Variants in PPIP5K2 observed in about 807,000 individuals in gnomAD.
PPIP5K2 encodes the protein inositol hexakisphosphate and diphosphoinositol-pentakisphosphate kinase 2.
A neutral mutation model predicts 154.6 loss-of-function variants in PPIP5K2; 105 were observed. The observed-to-expected ratio is 0.68, with a 90% CI of 0.58 to 0.80. The LOEUF (loss-of-function observed/expected upper bound fraction) is 0.80. Among genes scored for constraint, PPIP5K2 ranks in the 30% least tolerant of loss-of-function variants. The pLI is 0.00. For synonymous variants in PPIP5K2, 480 were observed against 490.3 expected (o/e 0.98, Z 0.28); for missense variants, 992 against 1,504.6 (o/e 0.66, Z 5.64).
chr5:103,128,154 ATTAGAT>A (rs541595133), intron 1 of PPIP5K2, among the ~76,000 whole-genome samples: 11 of 152,282 alleles, frequency 7.2e-5, no homozygotes, highest in African/African-American at 2.6e-4. Context: ...TTATACTGGA[ATTAGAT>A]CTTTAGGAAT....
At chr5:103,160,344 C>T (rs548150567) in intron 17 of PPIP5K2, among the ~76,000 whole-genome samples, 53 of 152,198 alleles carry the variant, frequency 3.5e-4, no homozygotes, top group Middle Eastern at 6.8e-3. Context: ...AATGTTCATA[C>T]TGTTTTCTAT....
At chr5:103,153,703 T>G in intron 10 of PPIP5K2, 145 bp from the exon 11 acceptor site, 1 of 477,140 alleles carries the variant, frequency 2.1e-6, no homozygotes, top group Non-Finnish European at 3.7e-6. Context: ...AAAACTAGAT[T>G]GTTATAAGTA....
chr5:103,133,212 CA>C (rs1554203164), intron 2 of PPIP5K2, among the ~76,000 whole-genome samples: 4 of 152,140 alleles, frequency 2.6e-5, no homozygotes. Context: ...TTGAAAATAG[CA>C]ACCATATTTA....
rs1159676905 is a variant in PPIP5K2, at chr5:103,203,526, A to G, written c.*1892A>G. ...TAAAAAGTCTACTGTATCAGAGCAA[A>G]ATGTTATAGTTATCACTGTTTAGTG... On this transcript the variant is annotated 3_prime_UTR_variant, in exon 31 of 31. Coordinates refer to ENST00000358359, the MANE Select transcript of PPIP5K2 (RefSeq NM_001276277.3). The G allele has an allele frequency of 2.0e-5, 3 of 152,140 alleles. No homozygotes were observed. Among genetic ancestry groups the G allele is most frequent in the African/African-American group, 7.2e-5 (3 of 41,428 alleles). The allele number at this position is 152,140 out of a possible 1,614,324, so 9.4% of individuals were successfully genotyped here. A position where few individuals can be genotyped will look rare whatever the true frequency, so the allele number is the denominator to read the frequency against.
chr5:103,172,268 A>T (rs535421703), intron 19 of PPIP5K2, among the ~76,000 whole-genome samples: 7 of 151,694 alleles, frequency 4.6e-5, no homozygotes, highest in African/African-American at 1.4e-4. Flanking sequence ...AAGGTAAATG[A>T]CCACAGGAAG....
chr5:103,141,274 T>G (rs1176042229), intron 5 of PPIP5K2, among the ~76,000 whole-genome samples: 1 of 151,850 alleles, frequency 6.6e-6, no homozygotes, highest in Non-Finnish European at 1.5e-5. Context: ...GTCTGTCCCT[T>G]CCGATGTTCA....
Position 103,210,516 on chromosome 5 carries a change from TCTCAGCTC to T in PPIP5K2, c.*8883_*8890del, listed in dbSNP as rs1803748181. On this transcript the variant is annotated 3_prime_UTR_variant, in exon 31 of 31. Coordinates refer to ENST00000358359, the MANE Select transcript of PPIP5K2 (RefSeq NM_001276277.3). ...GGGAGAAAGGAGACCTGGGTATTAA[TCTCAGCTC>T]TACCACTACATGGTAGAGCTATGTA... 6.6e-6 allele frequency: 1 copy of T among 152,090 alleles called. No homozygotes were observed. The highest frequency in any genetic ancestry group is 1.5e-5 in the Non-Finnish European group (1 of 68,002). The allele number at this position is 152,090 out of a possible 1,614,324, so 9.4% of individuals were successfully genotyped here. A position where few individuals can be genotyped will look rare whatever the true frequency, so the allele number is the denominator to read the frequency against.
intron 5 of PPIP5K2, among the ~76,000 whole-genome samples, chr5:103,145,354 T>C (rs374532480): frequency 6.6e-6 from 1 of 152,022 alleles, no homozygotes; most frequent in South Asian, 2.1e-4. Context: ...CTCAAAAAAC[T>C]AAAAATAGAG....
In PPIP5K2 at chr5:103,120,402, C is replaced by T. The variant is rs1034158865; in HGVS notation, c.-371C>T. On this transcript the variant is annotated 5_prime_UTR_variant, in exon 1 of 31. Transcript: ENST00000358359. ...AAGTCTCTTGACAAACACCTCACCC[C>T]TGCCTCCGGGATGAAAGGGGGTAAC... 3.9e-5 allele frequency: 18 copies of T among 456,738 alleles called. No homozygotes were observed. Among genetic ancestry groups the T allele is most frequent in the Non-Finnish European group, 7.5e-5 (17 of 226,928 alleles). 28.3% of individuals were successfully genotyped at this position (456,738 alleles called of 1,614,324 possible). A position where few individuals can be genotyped will look rare whatever the true frequency, so the allele number is the denominator to read the frequency against.
At chr5:103,150,080 TGTATA>T (rs1379669897) in intron 8 of PPIP5K2, among the ~76,000 whole-genome samples, 1 of 152,248 alleles carries the variant, frequency 6.6e-6, no homozygotes, top group African/African-American at 2.4e-5. Flanking sequence ...TCCTAACTAC[TGTATA>T]GTAAAGATTT....
intron 17 of PPIP5K2, among the ~76,000 whole-genome samples, chr5:103,161,107 C>T (rs1262623928): frequency 2.1e-4 from 31 of 151,178 alleles, no homozygotes; most frequent in Non-Finnish European, 3.1e-4. Context: ...TTCCCTCCCC[C>T]CAACCCCCAC....
chr5:103,155,835 T>A (rs114466760), intron 13 of PPIP5K2, 74 bp from the exon 14 acceptor site: 18 of 958,740 alleles, frequency 1.9e-5, no homozygotes, highest in Non-Finnish European at 2.3e-5. Context: ...CGGTTACAAA[T>A]AAAAGGGAGC....
intron 5 of PPIP5K2, among the ~76,000 whole-genome samples, chr5:103,145,842 A>T (rs1324376227): frequency 1.3e-5 from 2 of 152,062 alleles, no homozygotes; most frequent in African/African-American, 2.4e-5. Flanking sequence ...AGTTTACAAT[A>T]ATTTATTTTA....
intron 17 of PPIP5K2, among the ~76,000 whole-genome samples, chr5:103,162,273 T>C (rs1042855288): frequency 2.2e-4 from 33 of 152,146 alleles, no homozygotes; most frequent in African/African-American, 7.5e-4. Flanking sequence ...ATTCTGGATA[T>C]GAGTTCTTTG....
chr5:103,159,092 T>C (rs1440522412), intron 16 of PPIP5K2, 54 bp from the exon 17 acceptor site: 2 of 1,252,388 alleles, frequency 1.6e-6, no homozygotes. Flanking sequence ...TAACAAAATA[T>C]TATTTTACGT....
At position 103,167,272 on chromosome 5, in the gene PPIP5K2, A is replaced by G; in HGVS notation, c.2014A>G (p.Ser672Gly). 6.3e-7 allele frequency: 1 copy of G among 1,591,936 alleles called. No homozygotes were observed. Among genetic ancestry groups the G allele is most frequent in the Non-Finnish European group, 8.6e-7 (1 of 1,169,300 alleles). The change falls in exon 18 of 31, where the codon AGT (serine) becomes GGT (glycine). Residue 672 changes from serine (S) to glycine (G), a missense_variant. Around this residue, in one of 9 missense-constraint regions of PPIP5K2, gnomAD observed 82 missense variants for 91.8 expected, o/e 0.89. Coordinates refer to ENST00000358359, the MANE Select transcript of PPIP5K2 (RefSeq NM_001276277.3). Reference protein sequence around the residue: ...TCDKVYSLIQSLTSQIRHRME... With the variant: ...TCDKVYSLIQGLTSQIRHRME... ...TGATAAAGTTTATTCCTTAATTCAG[A>G]GTTTGACTTCTCAAATCAGACATCG...
chr5:103,173,103 A>G, intron 19 of PPIP5K2, 52 bp from the exon 20 acceptor site: 1 of 1,433,430 alleles, frequency 7.0e-7, no homozygotes, highest in Non-Finnish European at 9.4e-7. Context: ...GTATTTTTTT[A>G]GAGTACTTTG....
chr5:103,156,233 T>A (rs1554213380), intron 14 of PPIP5K2, among the ~76,000 whole-genome samples: 1 of 152,208 alleles, frequency 6.6e-6, no homozygotes, highest in Non-Finnish European at 1.5e-5. Context: ...AGGAATTCCT[T>A]TTAACTGCGG....
intron 19 of PPIP5K2, among the ~76,000 whole-genome samples, chr5:103,170,095 G>C (rs534002117): frequency 6.6e-6 from 1 of 151,438 alleles, no homozygotes; most frequent in Non-Finnish European, 1.5e-5. Flanking sequence ...CCTGAGAGTT[G>C]AGCCGAAAAG....
Sources: allele counts gnomAD v4.1 joint callset (sites outside exome capture counted in the v4.1 genomes callset), GRCh38; gene constraint gnomAD v4.1.1; regional missense constraint gnomAD v4.1.1; transcripts MANE v1.5; gene names NCBI Gene and HGNC (gene_info 2026-07-23, HGNC 2026-07-21).